The following SIN3A variants were observed in gnomAD, a reference collection of about 807,000 sequenced individuals.
SIN3A encodes paired amphipathic helix protein Sin3a.
In SIN3A, 14 loss-of-function variants were observed where a neutral mutation model predicts 146.1. The ratio of observed to expected loss-of-function variants is 0.10; its 90% CI spans 0.06 to 0.15. The LOEUF (loss-of-function observed/expected upper bound fraction) is 0.15. SIN3A is among the 10% of genes least tolerant of loss of function. The pLI, the probability that SIN3A is intolerant of heterozygous loss-of-function variation, is 1.00. For missense variants in SIN3A, 1,028 were observed against 1,576.0 expected (o/e 0.65, Z 5.89); for synonymous variants, 572 against 572.0 (o/e 1.00, Z 0.00).
intron 4 of SIN3A, among the ~76,000 whole-genome samples, chr15:75,413,488 C>G (rs964215272): frequency 6.6e-6 from 1 of 151,854 alleles, no homozygotes; most frequent in Non-Finnish European, 1.5e-5. Context: ...AATTAACACA[C>G]GAACTCTGAA....
At chr15:75,452,995 C>G (rs1445829800), upstream of SIN3A, 1 of 152,240 alleles carries the variant, frequency 6.6e-6, no homozygotes, top group Non-Finnish European at 1.5e-5. Flanking sequence ...TATTTATTCA[C>G]CAAATAGGGC....
chr15:75,415,669 C>T (rs1055053417), intron 3 of SIN3A: 9 of 159,600 alleles, frequency 5.6e-5, no homozygotes, highest in Admixed American at 4.5e-4. Flanking sequence ...CTGACCAACA[C>T]GGAGAAACCC....
At chr15:75,411,437 CT>C in intron 6 of SIN3A, 54 bp downstream of exon 6, 1 of 1,530,628 alleles carries the variant, frequency 6.5e-7, no homozygotes, top group Non-Finnish European at 8.9e-7. Flanking sequence ...TGTTATTGGA[CT>C]AGATGCCCTA....
intron 20 of SIN3A, among the ~76,000 whole-genome samples, chr15:75,373,915 C>T (rs141404807): frequency 6.6e-5 from 10 of 152,282 alleles, no homozygotes; most frequent in African/African-American, 2.4e-4. Context: ...GTGCAGGGGC[C>T]AGTGCCCCAA....
chr15:75,375,853 TCCGGATCCG>T lies in SIN3A; in HGVS notation c.3394_3402del (p.Arg1132_Arg1134del). The T allele has an allele frequency of 6.2e-7, 1 of 1,614,110 alleles. No individual in the cohort carries two copies. The highest frequency in any genetic ancestry group is 8.5e-7 in the Non-Finnish European group (1 of 1,180,044). On this transcript the variant is annotated inframe_deletion, in exon 20 of 21. Coordinates refer to ENST00000394947, the MANE Select transcript of SIN3A (RefSeq NM_001145358.2). Reference sequence around the variant, plus strand: ...TGCTGCTCTCGACCACGTTGACACTTCCGGATCCGCCGTAGATTCCTATTGCAGAAAAGC... The same window carrying T: ...TGCTGCTCTCGACCACGTTGACACTTCCGTAGATTCCTATTGCAGAAAAGC...
rs1000000368 is a variant in SIN3A at position 75,371,788 on chromosome 15, G to T, written c.*191C>A. On this transcript the variant is annotated 3_prime_UTR_variant, in exon 21 of 21. Transcript: ENST00000394947. ...AAAAGTTCCAGCTTCAGCTTTGTAA[G>T]GTATTCATGTTCCTAACAGGTAGCC... 1.2e-4 allele frequency: 72 copies of T among 580,068 alleles called. No individual in the cohort carries two copies. The East Asian group carries it at 2.1e-3, about 17-fold the overall frequency. 35.9% of individuals were successfully genotyped at this position (580,068 alleles called of 1,614,324 possible). A position where few individuals can be genotyped will look rare whatever the true frequency, so the allele number is the denominator to read the frequency against.
intron 3 of SIN3A, among the ~76,000 whole-genome samples, chr15:75,414,632 T>C (rs1719553606): frequency 6.6e-6 from 1 of 152,180 alleles, no homozygotes; most frequent in African/African-American, 2.4e-5. Flanking sequence ...CCAATGTGAG[T>C]ACCAAGGATT....
At chr15:75,383,269 C>CT (rs2073009535) in intron 17 of SIN3A, among the ~76,000 whole-genome samples, 2 of 138,604 alleles carry the variant, frequency 1.4e-5, no homozygotes, top group Admixed American at 7.4e-5. Context: ...GTGTCCCTGT[C>CT]TTAAAAAAAA....
Position 75,410,118 on chromosome 15 carries a change from T to C in SIN3A, c.1161+16A>G, listed in dbSNP as rs2073603339. Reference sequence around the variant, plus strand: ...TAATAATAGTAAATAGTGTAATTCTTATTAAAAAAACATACCACGGAGCTG... The same window carrying C: ...TAATAATAGTAAATAGTGTAATTCTCATTAAAAAAACATACCACGGAGCTG... On this transcript the variant is annotated intron_variant, in intron 7 of 20. Transcript: ENST00000394947. 1.9e-6 allele frequency: 3 copies of C among 1,612,040 alleles called. No individual in the cohort carries two copies. The highest frequency in any genetic ancestry group is 2.5e-6 in the Non-Finnish European group (3 of 1,178,864).
At chr15:75,426,570 T>C (rs2073929255) in intron 2 of SIN3A, among the ~76,000 whole-genome samples, 1 of 152,162 alleles carries the variant, frequency 6.6e-6, no homozygotes, top group South Asian at 2.1e-4. Flanking sequence ...AGATATCCAC[T>C]ATATATTAAA....
upstream of SIN3A, chr15:75,455,048 G>A (rs1023082525): frequency 1.1e-5 from 1 of 94,654 alleles, no homozygotes; most frequent in African/African-American, 4.0e-5. Flanking sequence ...TCCCGCCCCC[G>A]GCCGCCCCTC....
At chr15:75,441,202 C>T (rs1410772936) in intron 1 of SIN3A, among the ~76,000 whole-genome samples, 1 of 151,862 alleles carries the variant, frequency 6.6e-6, no homozygotes. Flanking sequence ...CCCAGCTACT[C>T]AGGAAGCTGA....
chr15:75,399,254 C>T (rs1447476350), intron 12 of SIN3A, among the ~76,000 whole-genome samples: 6 of 151,732 alleles, frequency 4.0e-5, no homozygotes, highest in African/African-American at 9.7e-5. Flanking sequence ...ATCAGCTGGG[C>T]GCAGTGGCTC....
chr15:75,434,028 G>T (rs2074059688), intron 1 of SIN3A, among the ~76,000 whole-genome samples: 1 of 152,190 alleles, frequency 6.6e-6, no homozygotes, highest in Non-Finnish European at 1.5e-5. Flanking sequence ...CAGCTAGTAA[G>T]AGGCAAAGCT....
intron 3 of SIN3A, chr15:75,420,119 A>G (rs924294035): frequency 2.0e-5 from 3 of 152,196 alleles, no homozygotes; most frequent in African/African-American, 7.2e-5. Context: ...TCACTTCAAC[A>G]GGGATTTACT....
At chr15:75,381,824 A>G (rs944397037) in intron 17 of SIN3A, 119 bp from the exon 18 acceptor site, 1 of 800,912 alleles carries the variant, frequency 1.2e-6, no homozygotes, top group Non-Finnish European at 2.1e-6. Context: ...AACTGAAGAG[A>G]TGAGGAAGAT....
intron 20 of SIN3A, among the ~76,000 whole-genome samples, chr15:75,372,716 T>C (rs1250634310): frequency 6.7e-6 from 1 of 149,364 alleles, no homozygotes; most frequent in East Asian, 2.0e-4. Context: ...AGCTACTTGG[T>C]AGGCTGAAGT....
At chr15:75,385,254 T>C (rs1252565730) in intron 16 of SIN3A, among the ~76,000 whole-genome samples, 1 of 152,182 alleles carries the variant, frequency 6.6e-6, no homozygotes. Flanking sequence ...ATTTAAGAAA[T>C]AGCTGCTGAA....
At chr15:75,385,799 G>C (rs547011382) in intron 16 of SIN3A, among the ~76,000 whole-genome samples, 1 of 152,250 alleles carries the variant, frequency 6.6e-6, no homozygotes, top group South Asian at 2.1e-4. Flanking sequence ...AGGTCAGAAC[G>C]GTGACTGAGT....
Sources: gnomAD v4.1 joint callset for allele counts (sites outside exome capture counted in the v4.1 genomes callset) on GRCh38, gnomAD v4.1.1 for gene constraint, MANE v1.5 for transcripts, NCBI Gene and HGNC (gene_info 2026-07-23, HGNC 2026-07-21) for gene names.